SV2B: variants seen among roughly 807,000 people sequenced by gnomAD.
SV2B encodes the protein solute carrier family 22 member B2.
In SV2B, 41 loss-of-function variants were observed where a neutral mutation model predicts 73.9. The observed-to-expected ratio is 0.56, with a 90% CI of 0.43 to 0.72. SV2B has a LOEUF of 0.72. Ranked by LOEUF, SV2B falls within the 30% of genes least tolerant of loss-of-function variation. SV2B has a pLI of 0.00. For synonymous variants in SV2B, 314 were observed against 314.2 expected (o/e 1.00, Z 0.01); for missense variants, 764 against 857.8 (o/e 0.89, Z 1.37).
rs1567036374 is a variant in SV2B at position 91,297,029 on chromosome 15, T to TTCTGCCCGATCGTTGGGCGCACGCTC, written c.*4477_*4478insTCTGCCCGATCGTTGGGCGCACGCTC. The TTCTGCCCGATCGTTGGGCGCACGCTC allele has an allele frequency of 1.2e-4, 5 of 40,374 alleles. No homozygotes were observed. The highest frequency in any genetic ancestry group is 3.2e-4 in the African/African-American group (3 of 9,232). The allele number at this position is 40,374 out of a possible 1,614,324, so 2.5% of individuals were successfully genotyped here. The stretch of plus-strand genomic sequence containing the variant: ...TCTGCCCGATCGTTGGGCGCACGCT[T>TTCTGCCCGATCGTTGGGCGCACGCTC]CTTCTGCCTGATCGTTGGGCGCACG... On this transcript the variant is annotated 3_prime_UTR_variant, in exon 13 of 13. Transcript: ENST00000394232. This position sits in a 1 kb window ranked among gnomAD's most constrained non-coding sequence, Gnocchi z 5.1.
chr15:91,167,187 T>C (rs2043946591), intron 1 of SV2B, among the ~76,000 whole-genome samples: 1 of 152,228 alleles, frequency 6.6e-6, no homozygotes, highest in Non-Finnish European at 1.5e-5. Flanking sequence ...TTATGGAATA[T>C]GGTTACAGTA....
At chr15:91,167,147 C>T (rs74800409) in intron 1 of SV2B, among the ~76,000 whole-genome samples, 9,918 of 152,142 alleles carry the variant, frequency 0.065, 428 homozygotes, top group Non-Finnish European at 0.09. Flanking sequence ...GAATTTCTTT[C>T]AATTAATTTA....
chr15:91,118,586 G>A lies in SV2B; in HGVS notation c.-392+18223G>A, dbSNP rs974151744. Among the ~76,000 whole-genome samples, 2 of 152,222 alleles carry A rather than the reference G, an allele frequency of 1.3e-5. No homozygotes were observed. The highest frequency in any genetic ancestry group is 3.9e-4 in the East Asian group (2 of 5,186). On this transcript the variant is annotated intron_variant, in intron 1 of 12. Coordinates refer to ENST00000394232, the MANE Select transcript of SV2B (RefSeq NM_001323032.3). The surrounding 1 kb of genome is among the most constrained non-coding windows in gnomAD (Gnocchi z 4.7). The stretch of plus-strand genomic sequence containing the variant: ...AATCTGCCTGGAGAAGAGGCTGGGT[G>A]TGTGGACAGCTGGAGGGTCTGAAGC...
chr15:91,287,139 C>A (rs1220254651), intron 11 of SV2B, among the ~76,000 whole-genome samples: 1 of 152,206 alleles, frequency 6.6e-6, no homozygotes, highest in Non-Finnish European at 1.5e-5. Context: ...CACCTGCTCA[C>A]AGCCCTACCA....
At position 91,265,833 on chromosome 15, in the gene SV2B, C is replaced by A. The variant is rs1322248094; in HGVS notation, c.1009-749C>A. ...TATGCCTTTAGCAGATTCTCAAATT[C>A]TCCCAAAAGCTTAAGAACCACTGTT... On this transcript the variant is annotated intron_variant, in intron 6 of 12. Coordinates refer to ENST00000394232, the MANE Select transcript of SV2B (RefSeq NM_001323032.3). This position sits in a 1 kb window ranked among gnomAD's most constrained non-coding sequence, Gnocchi z 4.2. 6.6e-6 allele frequency among the ~76,000 whole-genome samples: 1 copy of A among 152,216 alleles called. No homozygotes were observed. The highest frequency in any genetic ancestry group is 1.5e-5 in the Non-Finnish European group (1 of 68,034).
At position 91,100,832 on chromosome 15, in the gene SV2B, G is replaced by T. The variant is rs1272168539; in HGVS notation, c.-392+469G>T. Among the ~76,000 whole-genome samples, 1 of 152,224 alleles carries T rather than the reference G, an allele frequency of 6.6e-6. No homozygotes were observed. Among genetic ancestry groups the T allele is most frequent in the Non-Finnish European group, 1.5e-5 (1 of 68,040 alleles). ...TTGGGGTTTGTGAGTGTGTATTTCT[G>T]TATGTGCAGGGCGCCCTCCGTGGGC... On this transcript the variant is annotated intron_variant, in intron 1 of 12. Coordinates refer to ENST00000394232, the MANE Select transcript of SV2B (RefSeq NM_001323032.3). The surrounding 1 kb of genome is among the most constrained non-coding windows in gnomAD (Gnocchi z 6.4).
At chr15:91,187,123 G>C (rs2044802664) in intron 1 of SV2B, among the ~76,000 whole-genome samples, 1 of 152,166 alleles carries the variant, frequency 6.6e-6, no homozygotes, top group African/African-American at 2.4e-5. Context: ...TTTCACGGGT[G>C]TTCATTCCTG....
In SV2B at chr15:91,299,588, T is replaced by C. The variant is rs1189822764; in HGVS notation, c.*7036T>C. ...AGGTATCCTTAAATATATAGATGCTTACCAGTAGGTTTAATAGAAGATTTC... is the reference window on the plus strand; with the variant it reads ...AGGTATCCTTAAATATATAGATGCTCACCAGTAGGTTTAATAGAAGATTTC... On this transcript the variant is annotated 3_prime_UTR_variant, in exon 13 of 13. Transcript: ENST00000394232. The C allele has an allele frequency of 6.6e-6, 1 of 152,184 alleles. No homozygotes were observed. The highest frequency in any genetic ancestry group is 1.5e-5 in the Non-Finnish European group (1 of 68,028). The allele number at this position is 152,184 out of a possible 1,614,324, so 9.4% of individuals were successfully genotyped here.
chr15:91,229,713 A>G lies in SV2B; in HGVS notation c.451+2999A>G, dbSNP rs1436087222. Among the ~76,000 whole-genome samples, 1 of 152,232 alleles carries G rather than the reference A, an allele frequency of 6.6e-6. No individual in the cohort carries two copies. The highest frequency in any genetic ancestry group is 2.4e-5 in the African/African-American group (1 of 41,472). ...AGTACCTGCCCCTAATCAGTGCTCA[A>G]GATATCTTAGTTATTATTATTGTCG... is the stretch of plus-strand genomic sequence containing the variant. On this transcript the variant is annotated intron_variant, in intron 2 of 12. Transcript: ENST00000394232. This position sits in a 1 kb window ranked among gnomAD's most constrained non-coding sequence, Gnocchi z 4.3.
chr15:91,101,663 G>A (rs748821868), intron 1 of SV2B, among the ~76,000 whole-genome samples: 5 of 152,066 alleles, frequency 3.3e-5, no homozygotes, highest in Non-Finnish European at 7.4e-5. Context: ...GGCATGGCGT[G>A]GATTTCAGCA....
intron 1 of SV2B, among the ~76,000 whole-genome samples, chr15:91,205,254 G>A (rs2045592749): frequency 6.6e-6 from 1 of 152,162 alleles, no homozygotes; most frequent in African/African-American, 2.4e-5. Flanking sequence ...AAGTGTGAGG[G>A]CCGACATCAG....
chr15:91,272,141 G>A (rs1327981838), intron 9 of SV2B, among the ~76,000 whole-genome samples: 1 of 152,094 alleles, frequency 6.6e-6, no homozygotes, highest in Non-Finnish European at 1.5e-5. Flanking sequence ...GTGCCTTTTT[G>A]GGGATCTGGG....
rs1285429424 is a variant in SV2B at position 91,110,128 on chromosome 15, C to T, written c.-392+9765C>T. Reference sequence around the variant, plus strand: ...GATGGACAGCTCATTTATCCATTAACGTGTTCTGTTCCTTCTTCTTAGCAG... The same window carrying T: ...GATGGACAGCTCATTTATCCATTAATGTGTTCTGTTCCTTCTTCTTAGCAG... On this transcript the variant is annotated intron_variant, in intron 1 of 12. Transcript: ENST00000394232. This position sits in a 1 kb window ranked among gnomAD's most constrained non-coding sequence, Gnocchi z 5.4. Among the ~76,000 whole-genome samples, 3 of 152,148 alleles carry T rather than the reference C, an allele frequency of 2.0e-5. No individual in the cohort carries two copies. Among genetic ancestry groups the T allele is most frequent in the East Asian group, 1.9e-4 (1 of 5,188 alleles).
intron 1 of SV2B, among the ~76,000 whole-genome samples, chr15:91,103,127 A>G (rs1333534033): frequency 8.5e-5 from 13 of 152,198 alleles, no homozygotes; most frequent in Non-Finnish European, 8.8e-5. Context: ...GAAATCCTAA[A>G]CTCTGTGTTT....
At chr15:91,251,465 A>C (rs1477003969) in intron 2 of SV2B, among the ~76,000 whole-genome samples, 1 of 152,230 alleles carries the variant, frequency 6.6e-6, no homozygotes, top group Non-Finnish European at 1.5e-5. Context: ...CTCCTTAAAC[A>C]TAATCCACCA....
chr15:91,186,322 G>A (rs948576221), intron 1 of SV2B, among the ~76,000 whole-genome samples: 10 of 151,942 alleles, frequency 6.6e-5, no homozygotes, highest in Admixed American at 2.6e-4. Flanking sequence ...TTTGCTATAC[G>A]TGAGATAAAC....
chr15:91,134,003 C>CTTTTTTTTTTTTTTTTTT (rs1567278795), intron 1 of SV2B, among the ~76,000 whole-genome samples: 1 of 49,318 alleles, frequency 2.0e-5, no homozygotes, highest in Non-Finnish European at 4.0e-5. Context: ...TTTCTTTCTT[C>CTTTTTTTTTTTTTTTTTT]CTTTTTTTTT....
intron 1 of SV2B, among the ~76,000 whole-genome samples, chr15:91,127,769 C>A (rs1753019020): frequency 6.6e-6 from 1 of 151,980 alleles, no homozygotes; most frequent in Admixed American, 6.5e-5. Context: ...CAGCATGCTG[C>A]CTCCATAGTG....
chr15:91,231,375 T>C lies in SV2B; in HGVS notation c.451+4661T>C, dbSNP rs867270847. ...GTGATTTTGGTACTGAGAGTGCTTC[T>C]AGAGGAGCAGAATTTTGAGGATGAG... On this transcript the variant is annotated intron_variant, in intron 2 of 12. Transcript: ENST00000394232. This position sits in a 1 kb window ranked among gnomAD's most constrained non-coding sequence, Gnocchi z 4.5. 5.9e-5 allele frequency among the ~76,000 whole-genome samples: 9 copies of C among 152,186 alleles called. No individual in the cohort carries two copies. The highest frequency in any genetic ancestry group is 2.0e-4 in the Admixed American group (3 of 15,270).
Sources: allele counts gnomAD v4.1 joint callset (sites outside exome capture counted in the v4.1 genomes callset), GRCh38; gene constraint gnomAD v4.1.1; non-coding constraint Gnocchi (gnomAD v3.1); transcripts MANE v1.5; gene names NCBI Gene and HGNC (gene_info 2026-07-23, HGNC 2026-07-21).